Variants in NRP1 observed in about 807,000 individuals in gnomAD.
NRP1 encodes the protein neuropilin-1.
A neutral mutation model predicts 106.7 loss-of-function variants in NRP1; 35 were observed. That is an observed-to-expected ratio of 0.33 (90% CI 0.25 to 0.43). The LOEUF is 0.43. NRP1 is among the 20% of genes least tolerant of loss of function. The probability of loss-of-function intolerance (pLI) is 1.00; values close to 1 mark genes in which losing one functional copy is unlikely to be tolerated. For missense variants in NRP1, 1,024 were observed against 1,170.4 expected (o/e 0.87, Z 1.83); for synonymous variants, 437 against 417.9 (o/e 1.05, Z -0.56).
intron 15 of NRP1, 116 bp from the exon 16 acceptor site, chr10:33,182,864 T>C (rs1835774893): frequency 3.1e-6 from 2 of 639,268 alleles, no homozygotes; most frequent in Non-Finnish European, 2.6e-6. Flanking sequence ...CACACACACG[T>C]GTCTACTGGG....
intron 6 of NRP1, among the ~76,000 whole-genome samples, chr10:33,251,689 TTG>T (rs1220454306): frequency 6.6e-6 from 1 of 152,152 alleles, no homozygotes; most frequent in African/African-American, 2.4e-5. Context: ...CACAAATGCT[TTG>T]TGAGAGGCCA....
chr10:33,237,082 A>G (rs898361106), intron 6 of NRP1, among the ~76,000 whole-genome samples: 1 of 152,030 alleles, frequency 6.6e-6, no homozygotes, highest in African/African-American at 2.4e-5. Context: ...ACACAGCTGC[A>G]TCCCAAAGCC....
chr10:33,247,573 C>T (rs1429458774), intron 6 of NRP1, among the ~76,000 whole-genome samples: 3 of 152,176 alleles, frequency 2.0e-5, no homozygotes, highest in African/African-American at 7.2e-5. Context: ...CGTCTGTGGC[C>T]CATTAGGCCT....
chr10:33,186,619 G>T (rs937059680), intron 13 of NRP1, 131 bp from the exon 14 acceptor site: 13 of 1,079,186 alleles, frequency 1.2e-5, no homozygotes, highest in South Asian at 1.7e-5. Flanking sequence ...AGTGGAAAGG[G>T]ATAAGTGTGC....
chr10:33,249,991 C>T (rs1040033545), intron 6 of NRP1, among the ~76,000 whole-genome samples: 10 of 152,006 alleles, frequency 6.6e-5, no homozygotes, highest in African/African-American at 1.9e-4. Flanking sequence ...CTTCCAATAT[C>T]GCCTTATTAA....
At chr10:33,237,929 G>T (rs1650503957) in intron 6 of NRP1, among the ~76,000 whole-genome samples, 1 of 151,992 alleles carries the variant, frequency 6.6e-6, no homozygotes, top group African/African-American at 2.4e-5. Context: ...CTCTCCCACT[G>T]CAAACACACA....
chr10:33,209,525 G>T (rs1564383896), intron 9 of NRP1, among the ~76,000 whole-genome samples: 1 of 152,172 alleles, frequency 6.6e-6, no homozygotes, highest in Non-Finnish European at 1.5e-5. Context: ...CACCAAGGCT[G>T]GAGTGCAGTG....
At chr10:33,296,522 T>A (rs1251252057) in intron 2 of NRP1, among the ~76,000 whole-genome samples, 1 of 152,134 alleles carries the variant, frequency 6.6e-6, no homozygotes, top group Non-Finnish European at 1.5e-5. Context: ...GACGGGGCCC[T>A]GGGGAGGGTT....
At chr10:33,197,075 G>A (rs886873282) in intron 12 of NRP1, among the ~76,000 whole-genome samples, 5 of 152,268 alleles carry the variant, frequency 3.3e-5, no homozygotes, top group African/African-American at 1.2e-4. Flanking sequence ...GCCCCTGATC[G>A]ACAGCAAACC....
At chr10:33,249,851 C>T (rs1349558029) in intron 6 of NRP1, among the ~76,000 whole-genome samples, 2 of 152,006 alleles carry the variant, frequency 1.3e-5, no homozygotes, top group Non-Finnish European at 2.9e-5. Flanking sequence ...ACGGATCTCA[C>T]AGGAAGCTCC....
intron 2 of NRP1, among the ~76,000 whole-genome samples, chr10:33,291,893 G>A (rs1362146016): frequency 6.6e-6 from 1 of 152,110 alleles, no homozygotes; most frequent in Non-Finnish European, 1.5e-5. Context: ...TTTTTTGTCT[G>A]TTTTGTTTTG....
chr10:33,319,270 T>C (rs1166961559), intron 2 of NRP1, among the ~76,000 whole-genome samples: 1 of 151,812 alleles, frequency 6.6e-6, no homozygotes, highest in Non-Finnish European at 1.5e-5. Context: ...CCTCCCAAAG[T>C]GCTGGGATTA....
At chr10:33,241,948 C>T (rs1307664045) in intron 6 of NRP1, among the ~76,000 whole-genome samples, 2 of 152,044 alleles carry the variant, frequency 1.3e-5, no homozygotes, top group Non-Finnish European at 2.9e-5. Flanking sequence ...ATATGAGAAA[C>T]ATAAATATTC....
intron 2 of NRP1, among the ~76,000 whole-genome samples, chr10:33,283,550 A>G (rs907926885): frequency 6.6e-6 from 1 of 152,202 alleles, no homozygotes. Flanking sequence ...GCTTTTTTGT[A>G]TCTGACAACA....
intron 2 of NRP1, 53 bp from the exon 3 acceptor site, chr10:33,270,909 A>G (rs960567782): frequency 6.9e-7 from 1 of 1,448,734 alleles, no homozygotes; most frequent in African/African-American, 1.4e-5. Context: ...TGCCCTTTTA[A>G]TTTCAATAAT....
chr10:33,202,568 G>C, intron 11 of NRP1: 3 of 1,121,026 alleles, frequency 2.7e-6, no homozygotes, highest in Admixed American at 6.4e-5. Context: ...ACGTGTTATT[G>C]GGGGGGGGTC....
chr10:33,307,502 C>A (rs548955818), intron 2 of NRP1, among the ~76,000 whole-genome samples: 1 of 152,198 alleles, frequency 6.6e-6, no homozygotes, highest in South Asian at 2.1e-4. Flanking sequence ...AAATCAATTT[C>A]TTTGAAAACA....
chr10:33,180,370 G>A lies in NRP1; in HGVS notation c.2483-5C>T. ...CTTCGTATCCTGGCGTGCTCCCTAT[G>A]GAAAAAAACAATATTGTCTCCGTGA... On this transcript the variant is annotated splice_region_variant and splice_polypyrimidine_tract_variant and intron_variant, in intron 16 of 16. Transcript: ENST00000374867. The A allele has an allele frequency of 6.4e-7, 1 of 1,567,632 alleles. No individual in the cohort carries two copies. The highest frequency in any genetic ancestry group is 8.7e-7 in the Non-Finnish European group (1 of 1,154,412).
At chr10:33,180,453 G>A in intron 16 of NRP1, 88 bp from the exon 17 acceptor site, 1 of 1,319,716 alleles carries the variant, frequency 7.6e-7, no homozygotes, top group Non-Finnish European at 1.0e-6. Flanking sequence ...CGAAACAGGA[G>A]CAAATCACAC....
Sources: gnomAD v4.1 joint callset for allele counts (sites outside exome capture counted in the v4.1 genomes callset) on GRCh38, gnomAD v4.1.1 for gene constraint, MANE v1.5 for transcripts, NCBI Gene and HGNC (gene_info 2026-07-23, HGNC 2026-07-21) for gene names.